CSMD2: variants seen among roughly 807,000 people sequenced by gnomAD.
The protein encoded by CSMD2 is CUB and Sushi multiple domains 2, also known as CUB and sushi domain-containing protein 2.
In CSMD2, 130 loss-of-function variants were observed where a neutral mutation model predicts 398.5. That is an observed-to-expected ratio of 0.33 (90% CI 0.28 to 0.38). The LOEUF (loss-of-function observed/expected upper bound fraction) is 0.38. Among genes scored for constraint, CSMD2 ranks in the 10% least tolerant of loss-of-function variants. CSMD2 has a pLI of 1.00. For synonymous variants in CSMD2, 1,828 were observed against 1,908.5 expected (o/e 0.96, Z 1.10); for missense variants, 3,829 against 4,764.9 (o/e 0.80, Z 5.78).
At chr1:34,060,564 T>C (rs1294965673) in intron 2 of CSMD2, among the ~76,000 whole-genome samples, 1 of 151,774 alleles carries the variant, frequency 6.6e-6, no homozygotes, top group African/African-American at 2.4e-5. Flanking sequence ...CCAGGCATCC[T>C]GGAATTCCTT....
intron 2 of CSMD2, among the ~76,000 whole-genome samples, chr1:34,042,866 C>T (rs904380906): frequency 7.2e-5 from 11 of 152,168 alleles, no homozygotes; most frequent in South Asian, 4.1e-4. Flanking sequence ...CGGCTCTCTC[C>T]AAGCTCTGCC....
chr1:34,062,713 C>T (rs1322163175), intron 2 of CSMD2, among the ~76,000 whole-genome samples: 2 of 152,168 alleles, frequency 1.3e-5, no homozygotes, highest in Non-Finnish European at 2.9e-5. Flanking sequence ...TGCTGAAAGG[C>T]CTCCAGCCAC....
intron 14 of CSMD2, among the ~76,000 whole-genome samples, chr1:33,740,684 A>T (rs1647029277): frequency 6.6e-6 from 1 of 152,204 alleles, no homozygotes; most frequent in Non-Finnish European, 1.5e-5. Flanking sequence ...ATGACCACGA[A>T]GTCACCCTGA....
intron 16 of CSMD2, 42 bp from the exon 17 acceptor site, chr1:33,725,578 C>T (rs1359629765): frequency 1.3e-6 from 2 of 1,596,638 alleles, no homozygotes. Context: ...GAAATCCAAG[C>T]TTATTAATTT....
intron 24 of CSMD2, among the ~76,000 whole-genome samples, chr1:33,696,855 T>C (rs1466261447): frequency 6.6e-6 from 1 of 152,162 alleles, no homozygotes; most frequent in Non-Finnish European, 1.5e-5. Context: ...CTTGGCTGCT[T>C]TGTTTGGGCT....
At chr1:34,130,379 T>G in intron 1 of CSMD2, among the ~76,000 whole-genome samples, 2 of 110,398 alleles carry the variant, frequency 1.8e-5, no homozygotes, top group Non-Finnish European at 3.6e-5. Flanking sequence ...CAGGAAGAAA[T>G]GTCTGGAGGC....
At chr1:33,672,209 C>T (rs1644527421) in intron 25 of CSMD2, among the ~76,000 whole-genome samples, 1 of 152,222 alleles carries the variant, frequency 6.6e-6, no homozygotes, top group Non-Finnish European at 1.5e-5. Flanking sequence ...TCAGGAAATT[C>T]CCTTTCCTAG....
chr1:33,886,960 C>T (rs928030143), intron 5 of CSMD2, among the ~76,000 whole-genome samples: 22 of 151,944 alleles, frequency 1.4e-4, no homozygotes, highest in Non-Finnish European at 1.5e-5. Context: ...CAGAGGGGGA[C>T]ACTGAGACTC....
chr1:33,691,851 A>G (rs1175275982), intron 25 of CSMD2, among the ~76,000 whole-genome samples: 1 of 152,086 alleles, frequency 6.6e-6, no homozygotes, highest in African/African-American at 2.4e-5. Context: ...TACTCCAGCC[A>G]GACTGTTTCC....
intron 3 of CSMD2, among the ~76,000 whole-genome samples, chr1:33,946,591 G>T (rs1190513634): frequency 1.3e-5 from 2 of 151,822 alleles, no homozygotes; most frequent in East Asian, 3.9e-4. Context: ...AGAGGACAAA[G>T]AGATACCTTC....
chr1:34,014,954 A>G (rs1647877032), intron 3 of CSMD2, among the ~76,000 whole-genome samples: 1 of 152,186 alleles, frequency 6.6e-6, no homozygotes, highest in Admixed American at 6.5e-5. Flanking sequence ...GCTTTTCCCC[A>G]AGACAGCTGG....
At chr1:33,608,322 C>T (rs956591290) in intron 41 of CSMD2, among the ~76,000 whole-genome samples, 3 of 152,152 alleles carry the variant, frequency 2.0e-5, no homozygotes, top group African/African-American at 7.2e-5. Flanking sequence ...GTGGCAGGAC[C>T]GTGCCCATTG....
chr1:33,706,568 C>G (rs1397749642), intron 22 of CSMD2, among the ~76,000 whole-genome samples: 1 of 152,214 alleles, frequency 6.6e-6, no homozygotes, highest in African/African-American at 2.4e-5. Context: ...GGGCAATTAG[C>G]TCTGATTCCG....
At chr1:33,714,511 C>T in intron 21 of CSMD2, 76 bp downstream of exon 21, 2 of 1,514,680 alleles carry the variant, frequency 1.3e-6, no homozygotes, top group Non-Finnish European at 1.8e-6. Flanking sequence ...TGTGTGCCGT[C>T]CACCACCTCA....
intron 3 of CSMD2, among the ~76,000 whole-genome samples, chr1:34,016,069 T>C (rs929695902): frequency 6.6e-6 from 1 of 152,034 alleles, no homozygotes; most frequent in South Asian, 2.1e-4. Context: ...TTTATGTGCA[T>C]GAATATTTTA....
chr1:33,566,201 G>A (rs1659041818), intron 53 of CSMD2, among the ~76,000 whole-genome samples: 1 of 151,406 alleles, frequency 6.6e-6, no homozygotes, highest in Non-Finnish European at 1.5e-5. Context: ...TATATTCAAA[G>A]ACCCATAGAA....
At chr1:33,589,286 C>CCAT (rs1294050060) in intron 44 of CSMD2, among the ~76,000 whole-genome samples, 1 of 152,146 alleles carries the variant, frequency 6.6e-6, no homozygotes, top group Non-Finnish European at 1.5e-5. Flanking sequence ...GCACTGGGTG[C>CCAT]CATCATTCTT....
At chr1:33,702,673 A>AT (rs928984952) in intron 22 of CSMD2, among the ~76,000 whole-genome samples, 7 of 152,118 alleles carry the variant, frequency 4.6e-5, no homozygotes, top group African/African-American at 1.2e-4. Flanking sequence ...GTCATTAAAT[A>AT]TTTTTTCCAT....
chr1:33,675,175 T>G (rs1644661565), intron 25 of CSMD2, among the ~76,000 whole-genome samples: 2 of 152,084 alleles, frequency 1.3e-5, no homozygotes, highest in South Asian at 4.2e-4. Flanking sequence ...CAGGAGCTAG[T>G]TTTTTGAAAA....
Sources: gnomAD v4.1 joint callset for allele counts (sites outside exome capture counted in the v4.1 genomes callset) on GRCh38, gnomAD v4.1.1 for gene constraint, MANE v1.5 for transcripts, NCBI Gene and HGNC (gene_info 2026-07-23, HGNC 2026-07-21) for gene names.